GALNT16: variants seen among roughly 807,000 people sequenced by gnomAD.
GALNT16 encodes polypeptide N-acetylgalactosaminyltransferase 16, also known as UDP-GalNAc:polypeptide N-acetylgalactosaminyltransferase-like protein 1.
Under a neutral mutation model 76.1 loss-of-function variants are expected in GALNT16, and 40 were observed. The ratio of observed to expected loss-of-function variants is 0.53; its 90% CI spans 0.41 to 0.68. The LOEUF is 0.68. Among genes scored for constraint, GALNT16 ranks in the 30% least tolerant of loss-of-function variants. The pLI is 0.00. For missense variants in GALNT16, 621 were observed against 731.9 expected, an observed-to-expected ratio of 0.85 and a Z score of 1.75; for synonymous variants, 276 against 285.2, an observed-to-expected ratio of 0.97 and a Z score of 0.32.
the GALNT16 span, among the ~76,000 whole-genome samples, chr14:69,376,874 G>A: frequency 6.6e-6 from 1 of 152,098 alleles, no homozygotes; most frequent in African/African-American, 2.4e-5. Context: ...CTCCTTGCAG[G>A]GACCTAGAAA....
chr14:69,384,025 T>G, the GALNT16 span, among the ~76,000 whole-genome samples: 1 of 152,124 alleles, frequency 6.6e-6, no homozygotes, highest in South Asian at 2.1e-4. Flanking sequence ...TTAGAAAAGT[T>G]ATGTTATGTC....
intron 1 of GALNT16, among the ~76,000 whole-genome samples, chr14:69,300,192 A>G (rs932090216): frequency 4.6e-5 from 7 of 152,214 alleles, no homozygotes; most frequent in Non-Finnish European, 8.8e-5. Flanking sequence ...CCCTTGAAGA[A>G]CTTGTATTTA....
chr14:69,275,434 A>G (rs1055987805), intron 1 of GALNT16, among the ~76,000 whole-genome samples: 6 of 152,266 alleles, frequency 3.9e-5, no homozygotes, highest in African/African-American at 7.2e-5. Context: ...AAAGAACTGC[A>G]TTGCAGAATT....
At chr14:69,292,881 C>A (rs1863103803) in intron 1 of GALNT16, among the ~76,000 whole-genome samples, 1 of 152,230 alleles carries the variant, frequency 6.6e-6, no homozygotes, top group African/African-American at 2.4e-5. Flanking sequence ...GTGCTGAGAG[C>A]ACAAGACCTT....
chr14:69,295,723 A>G (rs1478054466), intron 1 of GALNT16, among the ~76,000 whole-genome samples: 1 of 152,176 alleles, frequency 6.6e-6, no homozygotes, highest in Non-Finnish European at 1.5e-5. Context: ...CCATCTCAAA[A>G]AAAATTAAAA....
downstream of GALNT16, chr14:69,357,362 A>G (rs2045700754): frequency 6.6e-6 from 1 of 152,262 alleles, no homozygotes; most frequent in African/African-American, 2.4e-5. Flanking sequence ...ACTAGCAGAG[A>G]TGGCAATTCA....
chr14:69,313,637 G>A (rs2045059220), intron 1 of GALNT16, among the ~76,000 whole-genome samples: 1 of 152,266 alleles, frequency 6.6e-6, no homozygotes, highest in African/African-American at 2.4e-5. Flanking sequence ...TACCCCTGGA[G>A]GAGTCATATT....
chr14:69,298,068 C>A (rs1371303571), intron 1 of GALNT16, among the ~76,000 whole-genome samples: 2 of 152,194 alleles, frequency 1.3e-5, no homozygotes, highest in African/African-American at 2.4e-5. Context: ...CTCATCTATG[C>A]AACTTCAAAA....
the GALNT16 span, among the ~76,000 whole-genome samples, chr14:69,379,019 CCT>C: frequency 6.6e-6 from 1 of 152,026 alleles, no homozygotes; most frequent in South Asian, 2.1e-4. Flanking sequence ...CTCACTGCAA[CCT>C]CTGTCTCCCT....
chr14:69,309,656 A>G (rs2044988631), intron 1 of GALNT16, among the ~76,000 whole-genome samples: 1 of 152,070 alleles, frequency 6.6e-6, no homozygotes, highest in African/African-American at 2.4e-5. Context: ...TTAAGCTTAT[A>G]TTCCTTTTTA....
At chr14:69,282,651 T>TATTG (rs71102638) in intron 1 of GALNT16, among the ~76,000 whole-genome samples, 3 of 31,168 alleles carry the variant, frequency 9.6e-5, no homozygotes, top group Non-Finnish European at 1.7e-4. Flanking sequence ...GAATTTGTCC[T>TATTG]ATTTATTTAT....
chr14:69,327,361 A>G (rs917386261), intron 5 of GALNT16, among the ~76,000 whole-genome samples: 1 of 152,136 alleles, frequency 6.6e-6, no homozygotes, highest in African/African-American at 2.4e-5. Context: ...CAGTTTCGAA[A>G]AAAAGAAAGA....
At chr14:69,381,085 T>C in the GALNT16 span, among the ~76,000 whole-genome samples, 1 of 152,126 alleles carries the variant, frequency 6.6e-6, no homozygotes, top group Non-Finnish European at 1.5e-5. Flanking sequence ...AGTTCAAGAC[T>C]AGCCTGGCCA....
chr14:69,277,369 C>T (rs2044485166), intron 1 of GALNT16, among the ~76,000 whole-genome samples: 4 of 152,218 alleles, frequency 2.6e-5, no homozygotes, highest in Admixed American at 2.6e-4. Context: ...CTATCCCTCC[C>T]TGCTCCCCGC....
At chr14:69,262,714 C>A (rs2044292254) in intron 1 of GALNT16, among the ~76,000 whole-genome samples, 1 of 152,096 alleles carries the variant, frequency 6.6e-6, no homozygotes. Context: ...CACTGACCCC[C>A]CCGTCAGGCA....
chr14:69,280,415 A>G (rs77020461), intron 1 of GALNT16, among the ~76,000 whole-genome samples: 3,521 of 152,220 alleles, frequency 0.023, 156 homozygotes, highest in African/African-American at 0.08. Flanking sequence ...ATGTATGTCT[A>G]TGCTACATTT....
chr14:69,316,783 G>T (rs1055250271), intron 1 of GALNT16, among the ~76,000 whole-genome samples: 7 of 72,126 alleles, frequency 9.7e-5, no homozygotes, highest in Admixed American at 8.5e-4. Context: ...GTGAGGGGGG[G>T]GGGCACTGAA....
At chr14:69,316,219 C>G (rs936107681) in intron 1 of GALNT16, among the ~76,000 whole-genome samples, 2 of 152,080 alleles carry the variant, frequency 1.3e-5, no homozygotes, top group African/African-American at 2.4e-5. Context: ...CTTGGTCCAC[C>G]TCAGTCTCAA....
At chr14:69,379,135 T>C in the GALNT16 span, among the ~76,000 whole-genome samples, 7 of 152,160 alleles carry the variant, frequency 4.6e-5, no homozygotes, top group Non-Finnish European at 1.0e-4. Flanking sequence ...AGACAGGGTT[T>C]CACCATGCTG....
Sources: allele counts gnomAD v4.1 joint callset (sites outside exome capture counted in the v4.1 genomes callset), GRCh38; gene constraint gnomAD v4.1.1; transcripts MANE v1.5; gene names NCBI Gene and HGNC (gene_info 2026-07-23, HGNC 2026-07-21).